Variants in SYK observed in about 807,000 individuals in gnomAD.
SYK encodes tyrosine-protein kinase SYK.
In SYK, 16 loss-of-function variants were observed where a neutral mutation model predicts 77.8. The observed-to-expected ratio is 0.21, with a 90% confidence interval of 0.14 to 0.31. The LOEUF is 0.31. Ranked by LOEUF, SYK falls within the 10% of genes least tolerant of loss-of-function variation. SYK has a pLI of 1.00. For synonymous variants in SYK, 312 were observed against 308.7 expected (o/e 1.01, Z -0.11); for missense variants, 529 against 814.4 (o/e 0.65, Z 4.26).
chr9:90,864,992 G>A (rs1827425211), intron 5 of SYK, 56 bp from the exon 6 acceptor site: 1 of 1,546,048 alleles, frequency 6.5e-7, no homozygotes, highest in Admixed American at 1.7e-5. Flanking sequence ...AGTGGGGAGG[G>A]GAAGGAAGTG....
intron 3 of SYK, among the ~76,000 whole-genome samples, chr9:90,847,154 G>A (rs1457778658): frequency 6.6e-6 from 1 of 152,184 alleles, no homozygotes; most frequent in Non-Finnish European, 1.5e-5. Context: ...AGGCTGGGAG[G>A]TGCAGCTCTT....
chr9:90,872,023 G>T (rs949974598), intron 7 of SYK, among the ~76,000 whole-genome samples: 6 of 152,196 alleles, frequency 3.9e-5, no homozygotes, highest in African/African-American at 9.7e-5. Flanking sequence ...GTGCCCAGGG[G>T]TTTAGATTCT....
intron 1 of SYK, among the ~76,000 whole-genome samples, chr9:90,820,049 A>T (rs944471334): frequency 6.6e-6 from 1 of 152,194 alleles, no homozygotes; most frequent in Non-Finnish European, 1.5e-5. Context: ...CTCCAAGATG[A>T]TCTCCTTTGA....
At chr9:90,849,313 G>C (rs1456425777) in intron 3 of SYK, among the ~76,000 whole-genome samples, 1 of 152,102 alleles carries the variant, frequency 6.6e-6, no homozygotes, top group African/African-American at 2.4e-5. Flanking sequence ...GTTTGTCTCC[G>C]CTCTGATCTC....
chr9:90,853,047 A>G (rs1327315681), intron 3 of SYK, among the ~76,000 whole-genome samples: 1 of 152,040 alleles, frequency 6.6e-6, no homozygotes, highest in South Asian at 2.1e-4. Flanking sequence ...TGCTGGATGC[A>G]CAAGGGCAGA....
In SYK at chr9:90,884,824, CAT is replaced by C. The variant is rs1327707840; in HGVS notation, c.1582-2922_1582-2921del. On this transcript the variant is annotated intron_variant, in intron 11 of 13. Transcript: ENST00000375754. ...ACATATGTGTACATACACATATACA[CAT>C]ATGTGTGTATATACATATACACACA... Among the ~76,000 whole-genome samples the C allele has an allele frequency of 6.0e-5, 5 of 82,736 alleles. 2 individuals are homozygous for C. The highest frequency in any genetic ancestry group is 1.0e-4 in the Non-Finnish European group (4 of 39,580). The allele number at this position is 82,736 out of a possible 152,430, so 54.3% of individuals were successfully genotyped here.
intron 3 of SYK, among the ~76,000 whole-genome samples, chr9:90,858,557 A>G (rs1004652816): frequency 6.6e-6 from 1 of 152,228 alleles, no homozygotes; most frequent in Non-Finnish European, 1.5e-5. Context: ...GGGTGTCTGT[A>G]GAGCCATAAG....
At chr9:90,884,941 G>GTATATATATACACACATATATGTGTATA (rs1828500185) in intron 11 of SYK, among the ~76,000 whole-genome samples, 25 of 47,228 alleles carry the variant, frequency 5.3e-4, no homozygotes, top group Non-Finnish European at 9.0e-4. Flanking sequence ...GCACATATGT[G>GTATATATATACACACATATATGTGTATA]TATATATATA....
In SYK at chr9:90,896,810, TGAGGTAAG is replaced by T. The variant is rs1278288164; in HGVS notation, c.*1214_*1221del. On this transcript the variant is annotated 3_prime_UTR_variant, in exon 14 of 14. Transcript: ENST00000375754. ...AGGAGGCCGAGGCGGGTGGATCACTTGAGGTAAGGAGTTTGAGACTAGCCTGGCCAATA... is the reference window on the plus strand; with the variant it reads ...AGGAGGCCGAGGCGGGTGGATCACTTGAGTTTGAGACTAGCCTGGCCAATA... The T allele has an allele frequency of 9.2e-6, 2 of 216,564 alleles. No individual in the cohort carries two copies. Among genetic ancestry groups the T allele is most frequent in the African/African-American group, 4.5e-5 (2 of 44,422 alleles). 13.4% of individuals were successfully genotyped at this position (216,564 alleles called of 1,614,324 possible).
At chr9:90,844,653 T>G (rs772629957) in intron 2 of SYK, among the ~76,000 whole-genome samples, 6 of 152,230 alleles carry the variant, frequency 3.9e-5, no homozygotes, top group Admixed American at 6.5e-5. Context: ...CCATACACAC[T>G]GATAGGCACT....
At chr9:90,817,301 C>T (rs1467643493) in intron 1 of SYK, among the ~76,000 whole-genome samples, 1 of 152,084 alleles carries the variant, frequency 6.6e-6, no homozygotes, top group African/African-American at 2.4e-5. Flanking sequence ...TGTTTTACTC[C>T]TTTATTTTAA....
intron 3 of SYK, among the ~76,000 whole-genome samples, chr9:90,850,588 T>A (rs1354843140): frequency 6.6e-6 from 1 of 152,050 alleles, no homozygotes; most frequent in African/African-American, 2.4e-5. Context: ...TTGCAAGCCA[T>A]AAACTAATCA....
intron 1 of SYK, among the ~76,000 whole-genome samples, chr9:90,811,189 A>G (rs1203301895): frequency 6.6e-6 from 1 of 152,226 alleles, no homozygotes; most frequent in Non-Finnish European, 1.5e-5. Context: ...GCAAATCCCC[A>G]TAAAATGAAA....
At chr9:90,812,667 G>C (rs1825122887) in intron 1 of SYK, among the ~76,000 whole-genome samples, 1 of 151,884 alleles carries the variant, frequency 6.6e-6, no homozygotes, top group Non-Finnish European at 1.5e-5. Context: ...TGGTATGCTG[G>C]GTATAATGGC....
At chr9:90,825,029 T>C (rs1018881088) in intron 1 of SYK, among the ~76,000 whole-genome samples, 4 of 151,468 alleles carry the variant, frequency 2.6e-5, no homozygotes, top group Non-Finnish European at 5.9e-5. Context: ...TAGATCAATA[T>C]ACAAAAGTCG....
intron 1 of SYK, 91 bp from the exon 2 acceptor site, chr9:90,843,767 G>A (rs916081206): frequency 9.9e-7 from 1 of 1,006,078 alleles, no homozygotes; most frequent in South Asian, 2.2e-5. Context: ...GGGAGGGTTT[G>A]TCTCCACTTT....
At chr9:90,866,817 C>G (rs747724131) in intron 6 of SYK, among the ~76,000 whole-genome samples, 6 of 152,168 alleles carry the variant, frequency 3.9e-5, no homozygotes, top group Non-Finnish European at 8.8e-5. Context: ...TAGTTTCTTT[C>G]GGTGGTTTGT....
chr9:90,832,396 T>A (rs1334392314), intron 1 of SYK, among the ~76,000 whole-genome samples: 1 of 152,260 alleles, frequency 6.6e-6, no homozygotes, highest in Non-Finnish European at 1.5e-5. Flanking sequence ...CTGCCTTTGA[T>A]CCTGGTTCCC....
intron 9 of SYK, among the ~76,000 whole-genome samples, chr9:90,877,325 G>A (rs757679351): frequency 6.6e-5 from 10 of 152,188 alleles, no homozygotes; most frequent in Non-Finnish European, 1.3e-4. Flanking sequence ...TTGTCAGCAT[G>A]AGCCACCATG....
Sources: gnomAD v4.1 joint callset for allele counts (sites outside exome capture counted in the v4.1 genomes callset) on GRCh38, gnomAD v4.1.1 for gene constraint, MANE v1.5 for transcripts, NCBI Gene and HGNC (gene_info 2026-07-23, HGNC 2026-07-21) for gene names.